ERC2: variants seen among roughly 807,000 people sequenced by gnomAD.
ERC2 encodes the protein ERC protein 2.
A neutral mutation model predicts 114.8 loss-of-function variants in ERC2; 42 were observed. The observed-to-expected ratio is 0.37, with a 90% CI of 0.29 to 0.47. ERC2 has a LOEUF of 0.47. Ranked by LOEUF, ERC2 falls within the 20% of genes least tolerant of loss-of-function variation. The pLI is 0.99. For synonymous variants in ERC2, 454 were observed against 425.5 expected (o/e 1.07, Z -0.82); for missense variants, 939 against 1,150.7 (o/e 0.82, Z 2.66).
Position 56,196,816 on chromosome 3 carries a change from C to T in ERC2, c.1075-23296G>A, listed in dbSNP as rs777997183. Among the ~76,000 whole-genome samples, 50 of 152,102 alleles carry T rather than the reference C, an allele frequency of 3.3e-4. 1 individual carries two copies. Among genetic ancestry groups the T allele is most frequent in the African/African-American group, 2.4e-4 (10 of 41,400 alleles). ...GCCATATGTTAGAAATTACCCTTCA[C>T]CCCTATAAATGGGACTATACCCCGC... On this transcript the variant is annotated intron_variant, in intron 3 of 17. Coordinates refer to ENST00000288221, the MANE Select transcript of ERC2 (RefSeq NM_015576.3).
intron 17 of ERC2, among the ~76,000 whole-genome samples, chr3:55,623,549 T>C (rs1328947454): frequency 6.6e-6 from 1 of 152,204 alleles, no homozygotes; most frequent in African/African-American, 2.4e-5. Context: ...AATCAGTAGT[T>C]CACATCTGTT....
intron 3 of ERC2, among the ~76,000 whole-genome samples, chr3:56,264,803 T>C (rs1169267771): frequency 6.9e-6 from 1 of 144,522 alleles, no homozygotes; most frequent in African/African-American, 2.6e-5. Flanking sequence ...GTTGCATTTG[T>C]CTACAGCAAA....
chr3:55,623,707 A>C (rs1456882297), intron 17 of ERC2, among the ~76,000 whole-genome samples: 1 of 152,124 alleles, frequency 6.6e-6, no homozygotes, highest in Non-Finnish European at 1.5e-5. Context: ...AAAATAGCCA[A>C]TCAGAATTAG....
intron 17 of ERC2, among the ~76,000 whole-genome samples, chr3:55,633,795 C>G (rs541044371): frequency 1.0e-3 from 158 of 152,274 alleles, no homozygotes; most frequent in Non-Finnish European, 1.7e-3. Context: ...CAAAGCAAAA[C>G]TAAACCTTAA....
chr3:55,694,166 G>T (rs1412498639), intron 16 of ERC2, among the ~76,000 whole-genome samples: 4 of 152,188 alleles, frequency 2.6e-5, no homozygotes, highest in African/African-American at 9.7e-5. Flanking sequence ...ATGTATCCAA[G>T]GGGTTTGCCA....
intron 14 of ERC2, among the ~76,000 whole-genome samples, chr3:55,840,383 T>C (rs1006469195): frequency 4.0e-5 from 6 of 151,886 alleles, no homozygotes; most frequent in Admixed American, 3.9e-4. Flanking sequence ...AATGTTCAAG[T>C]TCATTAGTCT....
At chr3:56,020,102 T>C (rs1289234112) in intron 7 of ERC2, among the ~76,000 whole-genome samples, 2 of 152,058 alleles carry the variant, frequency 1.3e-5, no homozygotes, top group African/African-American at 2.4e-5. Context: ...GAGGAGGAGA[T>C]GATTACAATG....
intron 13 of ERC2, among the ~76,000 whole-genome samples, chr3:55,916,942 C>T (rs1365580487): frequency 6.6e-6 from 1 of 152,052 alleles, no homozygotes; most frequent in Non-Finnish European, 1.5e-5. Flanking sequence ...TTTAATTAAT[C>T]AAAAGTACTA....
At chr3:55,856,764 T>C (rs966394910) in intron 14 of ERC2, among the ~76,000 whole-genome samples, 2 of 152,078 alleles carry the variant, frequency 1.3e-5, no homozygotes, top group African/African-American at 4.8e-5. Context: ...GCGGAAAAAA[T>C]CCAAATGCCC....
rs61395053 is a variant in ERC2 at position 55,553,234 on chromosome 3, C to A, written c.*40-41958G>T. Reference sequence around the variant, plus strand: ...ACGGGGTTTCATCATATTGGCCATGCTGGTCTTGAACTTCTGACCTTGTGA... The same window carrying A: ...ACGGGGTTTCATCATATTGGCCATGATGGTCTTGAACTTCTGACCTTGTGA... On this transcript the variant is annotated intron_variant, in intron 17 of 17. Coordinates refer to ENST00000288221, the MANE Select transcript of ERC2 (RefSeq NM_015576.3). Among the ~76,000 whole-genome samples the A allele has an allele frequency of 2.6e-5, 4 of 151,594 alleles. No homozygotes were observed. In the South Asian group the frequency reaches 8.4e-4, roughly 32 times the overall value.
chr3:55,734,636 C>A, intron 15 of ERC2, 135 bp downstream of exon 15: 1 of 974,948 alleles, frequency 1.0e-6, no homozygotes, highest in Non-Finnish European at 1.5e-6. Context: ...CAACTGGGTC[C>A]ATTGCACTCC....
chr3:55,821,171 T>C (rs1490102449), intron 14 of ERC2, among the ~76,000 whole-genome samples: 2 of 152,174 alleles, frequency 1.3e-5, no homozygotes, highest in Non-Finnish European at 2.9e-5. Flanking sequence ...GAGATTAGAC[T>C]GATGAATGTG....
At chr3:55,805,094 G>A (rs2059439163) in intron 14 of ERC2, among the ~76,000 whole-genome samples, 1 of 151,800 alleles carries the variant, frequency 6.6e-6, no homozygotes, top group African/African-American at 2.4e-5. Context: ...AGGAAGACAG[G>A]GACCCTACTA....
chr3:56,064,020 T>C (rs2076358221), intron 7 of ERC2, among the ~76,000 whole-genome samples: 1 of 152,182 alleles, frequency 6.6e-6, no homozygotes, highest in Non-Finnish European at 1.5e-5. Flanking sequence ...CTTTCACTGA[T>C]CTGGAAAAAA....
intron 3 of ERC2, among the ~76,000 whole-genome samples, chr3:56,213,287 G>T (rs537741786): frequency 1.3e-5 from 2 of 152,182 alleles, no homozygotes; most frequent in African/African-American, 4.8e-5. Flanking sequence ...GGTGACAGAT[G>T]GCACCTGGAA....
At chr3:56,344,678 G>T (rs921158143) in intron 2 of ERC2, among the ~76,000 whole-genome samples, 2 of 152,172 alleles carry the variant, frequency 1.3e-5, no homozygotes, top group Non-Finnish European at 2.9e-5. Flanking sequence ...AATCAAATAA[G>T]GAATCAGAAT....
At chr3:56,025,384 G>A (rs1341610370) in intron 7 of ERC2, among the ~76,000 whole-genome samples, 2 of 152,164 alleles carry the variant, frequency 1.3e-5, no homozygotes, top group African/African-American at 4.8e-5. Flanking sequence ...GTCTCACAAA[G>A]CTAATATAAA....
At chr3:55,788,115 C>G (rs773959463) in intron 14 of ERC2, among the ~76,000 whole-genome samples, 13 of 152,222 alleles carry the variant, frequency 8.5e-5, no homozygotes, top group Non-Finnish European at 1.5e-4. Flanking sequence ...ACCAGTTAAA[C>G]TCATTCACCT....
chr3:56,230,243 A>G (rs2150174561), intron 3 of ERC2, among the ~76,000 whole-genome samples: 1 of 152,316 alleles, frequency 6.6e-6, no homozygotes, highest in Non-Finnish European at 1.5e-5. Context: ...CTCTGATGAT[A>G]AATAGAAAAT....
Sources: allele counts gnomAD v4.1 joint callset (sites outside exome capture counted in the v4.1 genomes callset), GRCh38; gene constraint gnomAD v4.1.1; transcripts MANE v1.5; gene names NCBI Gene and HGNC (gene_info 2026-07-23, HGNC 2026-07-21).